The following NDST4 variants were observed in gnomAD, a reference collection of about 807,000 sequenced individuals.
NDST4 encodes the protein N-heparan sulfate sulfotransferase 4.
NDST4 carries 63 observed loss-of-function variants against 100.8 expected under a neutral mutation model. The ratio of observed to expected loss-of-function variants is 0.62; its 90% CI spans 0.51 to 0.77. The LOEUF (loss-of-function observed/expected upper bound fraction) is 0.77, where lower values mean the gene tolerates loss of function less well. Among genes scored for constraint, NDST4 ranks in the 30% least tolerant of loss-of-function variants. The pLI is 0.00. For synonymous variants in NDST4, 377 were observed against 361.8 expected (o/e 1.04, Z -0.48); for missense variants, 943 against 1,018.4 (o/e 0.93, Z 1.01).
intron 2 of NDST4, among the ~76,000 whole-genome samples, chr4:115,059,205 G>A (rs1728765359): frequency 6.6e-6 from 1 of 151,912 alleles, no homozygotes; most frequent in African/African-American, 2.4e-5. Context: ...GGTAATATGA[G>A]AATTAATCAT....
At chr4:114,959,577 C>A (rs1726214686) in intron 4 of NDST4, among the ~76,000 whole-genome samples, 1 of 152,066 alleles carries the variant, frequency 6.6e-6, no homozygotes, top group Non-Finnish European at 1.5e-5. Context: ...TACCTCCCAC[C>A]AGGACCCTCC....
intron 3 of NDST4, among the ~76,000 whole-genome samples, chr4:114,974,368 T>A (rs562573802): frequency 5.3e-5 from 8 of 152,128 alleles, no homozygotes; most frequent in Non-Finnish European, 1.2e-4. Flanking sequence ...TAGAAAATGC[T>A]ATTTTTCATA....
At chr4:115,022,451 T>TATATATATGTGTTCC (rs1727874116) in intron 2 of NDST4, among the ~76,000 whole-genome samples, 1 of 25,654 alleles carries the variant, frequency 3.9e-5, no homozygotes, top group African/African-American at 8.9e-5. Context: ...ATGTGTTCCA[T>TATATATATGTGTTCC]ATATATGTGT....
chr4:114,979,694 G>A (rs1726721999), intron 2 of NDST4, among the ~76,000 whole-genome samples: 1 of 151,776 alleles, frequency 6.6e-6, no homozygotes, highest in Non-Finnish European at 1.5e-5. Flanking sequence ...GTTCAGAGAG[G>A]CAAAGGCAGA....
At chr4:115,083,941 G>A (rs922609463) in intron 1 of NDST4, among the ~76,000 whole-genome samples, 1 of 152,090 alleles carries the variant, frequency 6.6e-6, no homozygotes, top group Non-Finnish European at 1.5e-5. Context: ...CACTAAGCAA[G>A]TACCTCAGAG....
intron 4 of NDST4, among the ~76,000 whole-genome samples, chr4:114,966,645 TA>T (rs1560834651): frequency 6.6e-6 from 1 of 151,974 alleles, no homozygotes; most frequent in Non-Finnish European, 1.5e-5. Flanking sequence ...GAATAGAACT[TA>T]AAAAAAGGAT....
intron 2 of NDST4, among the ~76,000 whole-genome samples, chr4:115,042,133 TAAAC>T (rs1485652675): frequency 2.0e-5 from 3 of 152,126 alleles, no homozygotes; most frequent in South Asian, 2.1e-4. Context: ...ATTTCTGAAA[TAAAC>T]AATTCATAAG....
intron 1 of NDST4, among the ~76,000 whole-genome samples, chr4:115,079,629 A>C (rs1462621973): frequency 6.6e-6 from 1 of 152,212 alleles, no homozygotes; most frequent in Admixed American, 6.5e-5. Flanking sequence ...TATGCATTAC[A>C]TCAGACATAT....
Position 115,107,859 on chromosome 4 carries a change from CAGAT to C in NDST4, c.-247+5581_-247+5584del, listed in dbSNP as rs377717010. Among the ~76,000 whole-genome samples, 422 of 151,998 alleles carry C rather than the reference CAGAT, an allele frequency of 2.8e-3. 4 individuals carry two copies. The highest frequency in any genetic ancestry group is 0.011 in the South Asian group (51 of 4,818). ...GTCTAAGGTGAAAAATATGTCCAGA[CAGAT>C]AGAGTAATTTAAGTATTGAATTGAG... On this transcript the variant is annotated intron_variant, in intron 1 of 13. Coordinates refer to ENST00000264363, the MANE Select transcript of NDST4 (RefSeq NM_022569.3).
chr4:115,067,242 A>G (rs1728969264), intron 2 of NDST4, among the ~76,000 whole-genome samples: 1 of 152,078 alleles, frequency 6.6e-6, no homozygotes, highest in African/African-American at 2.4e-5. Flanking sequence ...ATACTAGCTG[A>G]TATGCATCAA....
chr4:115,064,758 G>A (rs1040847911), intron 2 of NDST4, among the ~76,000 whole-genome samples: 10 of 152,068 alleles, frequency 6.6e-5, no homozygotes, highest in African/African-American at 1.9e-4. Flanking sequence ...GTTTATCACC[G>A]AATATTGCAA....
chr4:115,067,629 T>C (rs1450418752), intron 2 of NDST4, among the ~76,000 whole-genome samples: 1 of 152,132 alleles, frequency 6.6e-6, no homozygotes, highest in South Asian at 2.1e-4. Context: ...TCCTGTTTAA[T>C]GATATGATAA....
At chr4:114,981,836 T>C (rs1290202418) in intron 2 of NDST4, among the ~76,000 whole-genome samples, 4 of 152,226 alleles carry the variant, frequency 2.6e-5, no homozygotes, top group African/African-American at 9.6e-5. Context: ...GTCTTTGATA[T>C]GGTTTGGCTC....
At chr4:114,939,361 T>C (rs1204004754) in intron 4 of NDST4, among the ~76,000 whole-genome samples, 1 of 152,150 alleles carries the variant, frequency 6.6e-6, no homozygotes, top group African/African-American at 2.4e-5. Context: ...CAACCTGTTA[T>C]CCTCCTTTTT....
At chr4:115,109,092 A>C (rs1362360624) in intron 1 of NDST4, among the ~76,000 whole-genome samples, 1 of 151,696 alleles carries the variant, frequency 6.6e-6, no homozygotes, top group Non-Finnish European at 1.5e-5. Flanking sequence ...TAAAATAAGA[A>C]GAGAAGAGAG....
chr4:114,862,618 T>C (rs1213565236), intron 7 of NDST4, among the ~76,000 whole-genome samples: 1 of 152,178 alleles, frequency 6.6e-6, no homozygotes, highest in African/African-American at 2.4e-5. Context: ...ACTTATCTTC[T>C]TTATTGCAGT....
chr4:114,937,663 C>T (rs1008763537), intron 4 of NDST4, among the ~76,000 whole-genome samples, 160 bp from the exon 5 acceptor site: 1 of 152,102 alleles, frequency 6.6e-6, no homozygotes, highest in Non-Finnish European at 1.5e-5. Flanking sequence ...AGCTCATAAT[C>T]TTATAGAACT....
chr4:114,869,701 T>C (rs764065385), intron 7 of NDST4, among the ~76,000 whole-genome samples: 1 of 152,256 alleles, frequency 6.6e-6, no homozygotes, highest in South Asian at 2.1e-4. Flanking sequence ...TAATATGACA[T>C]GTAGCAGTCA....
At chr4:115,104,835 GA>G (rs1729804788) in intron 1 of NDST4, among the ~76,000 whole-genome samples, 1 of 152,052 alleles carries the variant, frequency 6.6e-6, no homozygotes, top group Admixed American at 6.6e-5. Flanking sequence ...TCACTCAGGG[GA>G]TACTTTAAAT....
Sources: gnomAD v4.1 joint callset for allele counts (sites outside exome capture counted in the v4.1 genomes callset) on GRCh38, gnomAD v4.1.1 for gene constraint, MANE v1.5 for transcripts, NCBI Gene and HGNC (gene_info 2026-07-23, HGNC 2026-07-21) for gene names.